The following LEMD1 variants were observed in gnomAD, a reference collection of about 807,000 sequenced individuals.
The protein encoded by LEMD1 is LEM domain containing 1, also known as LEM domain-containing protein 1.
Under a neutral mutation model 17.4 loss-of-function variants are expected in LEMD1, and 18 were observed. The ratio of observed to expected loss-of-function variants is 1.04; its 90% CI spans 0.72 to 1.54. The LOEUF is 1.54. LEMD1 is among the 40% of genes most tolerant of loss of function. The pLI is 0.00. For synonymous variants in LEMD1, 88 were observed against 77.8 expected (o/e 1.13, Z -0.69); for missense variants, 195 against 210.4 (o/e 0.93, Z 0.45).
intron 3 of LEMD1, among the ~76,000 whole-genome samples, chr1:205,418,090 T>C (rs1665779877): frequency 6.6e-6 from 1 of 152,114 alleles, no homozygotes. Flanking sequence ...GCTTATCTTC[T>C]GGGGCTGCTT....
intron 2 of LEMD1, 84 bp downstream of exon 2, chr1:205,420,370 CT>C: frequency 2.0e-6 from 2 of 1,020,242 alleles, no homozygotes; most frequent in African/African-American, 3.2e-5. Context: ...ATTTTAATGG[CT>C]TTACTGCATA....
chr1:205,437,936 A>T (rs1666235147), intron 1 of LEMD1: 1 of 152,004 alleles, frequency 6.6e-6, no homozygotes, highest in Non-Finnish European at 1.5e-5. Context: ...TTTTTTCCTA[A>T]AAATAACAAT....
intron 1 of LEMD1, among the ~76,000 whole-genome samples, chr1:205,428,896 C>A (rs1666091113): frequency 6.6e-6 from 1 of 152,112 alleles, no homozygotes; most frequent in East Asian, 1.9e-4. Flanking sequence ...AGGAATGAGT[C>A]AGATTTCTGG....
intron 3 of LEMD1, among the ~76,000 whole-genome samples, chr1:205,417,677 G>T (rs1665754705): frequency 6.6e-6 from 1 of 152,028 alleles, no homozygotes; most frequent in Admixed American, 6.6e-5. Context: ...AGTGAGGCCA[G>T]CGGTGCAAAA....
At chr1:205,412,477 A>G (rs1010499059) in intron 4 of LEMD1, among the ~76,000 whole-genome samples, 12 of 152,358 alleles carry the variant, frequency 7.9e-5, no homozygotes, top group African/African-American at 2.6e-4. Flanking sequence ...CTTGCATTCC[A>G]CTAGAAAACA....
At chr1:205,384,016 G>C (rs1250982379) in intron 5 of LEMD1, among the ~76,000 whole-genome samples, 1 of 149,158 alleles carries the variant, frequency 6.7e-6, no homozygotes, top group East Asian at 2.0e-4. Context: ...GTTTCCAAAT[G>C]GCTACACATC....
intron 1 of LEMD1, chr1:205,436,224 C>T (rs1377985151): frequency 6.6e-6 from 1 of 152,166 alleles, no homozygotes; most frequent in African/African-American, 2.4e-5. Context: ...CCCTTGAACT[C>T]CAGACCTGGG....
intron 4 of LEMD1, among the ~76,000 whole-genome samples, chr1:205,411,794 G>A (rs1665466513): frequency 6.6e-6 from 1 of 152,246 alleles, no homozygotes; most frequent in Non-Finnish European, 1.5e-5. Context: ...GGGAAGATGA[G>A]AAGAGAGCAT....
intron 5 of LEMD1, 82 bp downstream of exon 5, chr1:205,384,206 C>A: frequency 1.0e-5 from 8 of 799,478 alleles, no homozygotes; most frequent in Non-Finnish European, 1.5e-5. Context: ...AAACCCTTCA[C>A]AGAAATCTGA....
At chr1:205,405,645 G>C (rs1665058164) in intron 4 of LEMD1, among the ~76,000 whole-genome samples, 1 of 151,812 alleles carries the variant, frequency 6.6e-6, no homozygotes, top group Non-Finnish European at 1.5e-5. Context: ...CCTTTGGTTT[G>C]AATTTCCTCC....
At chr1:205,388,762 C>T (rs34843270) in intron 4 of LEMD1, among the ~76,000 whole-genome samples, 36,685 of 152,024 alleles carry the variant, frequency 0.24, 4,523 homozygotes, top group South Asian at 0.39. Context: ...TAATTTCCTA[C>T]GGAAGTAACA....
At chr1:205,386,380 T>G (rs1025502355) in intron 4 of LEMD1, 1 of 150,416 alleles carries the variant, frequency 6.6e-6, no homozygotes, top group Non-Finnish European at 1.5e-5. Context: ...CTCGGCTTAC[T>G]GCAAGCTGCG....
chr1:205,399,914 A>G (rs1664760410), intron 4 of LEMD1, among the ~76,000 whole-genome samples: 1 of 152,254 alleles, frequency 6.6e-6, no homozygotes, highest in Non-Finnish European at 1.5e-5. Context: ...TCAATAGGCC[A>G]TCACCACAGT....
At chr1:205,397,396 C>T (rs1350018697) in intron 4 of LEMD1, among the ~76,000 whole-genome samples, 1 of 152,158 alleles carries the variant, frequency 6.6e-6, no homozygotes, top group African/African-American at 2.4e-5. Context: ...AGATAAATCA[C>T]ATAGTCTCCT....
chr1:205,389,427 C>T (rs1239312639), intron 4 of LEMD1, among the ~76,000 whole-genome samples: 2 of 152,160 alleles, frequency 1.3e-5, no homozygotes, highest in African/African-American at 4.8e-5. Context: ...AGTTTGTTTG[C>T]ATTTCCACAA....
chr1:205,420,618 A>G (rs1209338228), intron 1 of LEMD1, 44 bp from the exon 2 acceptor site: 4 of 1,044,608 alleles, frequency 3.8e-6, no homozygotes, highest in South Asian at 1.3e-5. Context: ...AGCCTTACCA[A>G]TAAGTACTAA....
intron 4 of LEMD1, among the ~76,000 whole-genome samples, chr1:205,415,327 C>T (rs368537127): frequency 5.9e-5 from 9 of 152,086 alleles, no homozygotes; most frequent in South Asian, 2.1e-4. Flanking sequence ...ATATGCAGAC[C>T]TGTGCCTCAG....
upstream of LEMD1, among the ~76,000 whole-genome samples, chr1:205,423,346 A>G (rs1420590554): frequency 6.6e-6 from 1 of 152,260 alleles, no homozygotes; most frequent in Non-Finnish European, 1.5e-5. Flanking sequence ...ATTTGTTTCC[A>G]TCAAAGCAAA....
intron 4 of LEMD1, among the ~76,000 whole-genome samples, chr1:205,410,739 G>A (rs1168572391): frequency 6.6e-6 from 1 of 152,090 alleles, no homozygotes; most frequent in East Asian, 1.9e-4. Flanking sequence ...GGTGCCCCGT[G>A]CCTGTAGTCC....
Sources: gnomAD v4.1 joint callset for allele counts (sites outside exome capture counted in the v4.1 genomes callset) on GRCh38, gnomAD v4.1.1 for gene constraint, MANE v1.5 for transcripts, NCBI Gene and HGNC (gene_info 2026-07-23, HGNC 2026-07-21) for gene names.